PEAK1: variants seen among roughly 807,000 people sequenced by gnomAD.
PEAK1 encodes the protein pseudopodium enriched atypical kinase 1.
In PEAK1, 54 loss-of-function variants were observed where a neutral mutation model predicts 124.7. The ratio of observed to expected loss-of-function variants is 0.43; its 90% CI spans 0.35 to 0.54. The LOEUF (loss-of-function observed/expected upper bound fraction) is 0.54, where lower values mean the gene tolerates loss of function less well. PEAK1 is among the 20% of genes least tolerant of loss of function. PEAK1 has a pLI of 0.01. For synonymous variants in PEAK1, 719 were observed against 760.0 expected (o/e 0.95, Z 0.89); for missense variants, 2,046 against 2,134.5 (o/e 0.96, Z 0.82).
chr15:77,288,111 T>C (rs1307077836), intron 2 of PEAK1, among the ~76,000 whole-genome samples: 4 of 152,152 alleles, frequency 2.6e-5, no homozygotes, highest in South Asian at 4.1e-4. Context: ...TCAAGCACTA[T>C]ATCAAACCCT....
intron 6 of PEAK1, among the ~76,000 whole-genome samples, chr15:77,185,023 A>AGGC (rs1378754071): frequency 5.9e-5 from 9 of 152,264 alleles, no homozygotes; most frequent in African/African-American, 2.2e-4. Flanking sequence ...CAGGAGGCTT[A>AGGC]AAAGACTGAC....
intron 2 of PEAK1, chr15:77,350,115 G>A (rs1021247101): frequency 3.0e-6 from 3 of 985,292 alleles, no homozygotes; most frequent in Non-Finnish European, 3.6e-6. Context: ...ATAGGTCTCT[G>A]TTCAAAGCCA....
At position 77,210,384 on chromosome 15, in the gene PEAK1, T is replaced by C. The variant is rs573996070; in HGVS notation, c.-114-28344A>G. Reference sequence around the variant, plus strand: ...AGGGAAGAAGCAATATATATGTAATTCATTTGAAACCCAGCATTTTAAATC... The same window carrying C: ...AGGGAAGAAGCAATATATATGTAATCCATTTGAAACCCAGCATTTTAAATC... On this transcript the variant is annotated intron_variant, in intron 6 of 9. Coordinates refer to ENST00000682557, the MANE Select transcript of PEAK1 (RefSeq NM_001385026.1). 1.9e-3 allele frequency among the ~76,000 whole-genome samples: 290 copies of C among 152,312 alleles called. 4 individuals are homozygous for C. In the South Asian group the frequency reaches 0.02, roughly 10 times the overall value.
At chr15:77,402,024 C>T (rs2071408810) in intron 1 of PEAK1, 1 of 750,994 alleles carries the variant, frequency 1.3e-6, no homozygotes, top group African/African-American at 1.9e-5. Flanking sequence ...CATGGTGAAA[C>T]CCCAGCTCTA....
At chr15:77,246,780 G>A (rs1221730059) in intron 6 of PEAK1, among the ~76,000 whole-genome samples, 1 of 152,172 alleles carries the variant, frequency 6.6e-6, no homozygotes, top group Non-Finnish European at 1.5e-5. Context: ...AGCACTTTGG[G>A]AGGCCGAGGT....
At chr15:77,279,160 C>G (rs1157348336) in intron 5 of PEAK1, among the ~76,000 whole-genome samples, 1 of 151,450 alleles carries the variant, frequency 6.6e-6, no homozygotes, top group Non-Finnish European at 1.5e-5. Flanking sequence ...TGTTAGCACA[C>G]AGAACACTTA....
chr15:77,245,929 T>G (rs1434485244), intron 6 of PEAK1, among the ~76,000 whole-genome samples: 2 of 152,204 alleles, frequency 1.3e-5, no homozygotes, highest in African/African-American at 4.8e-5. Flanking sequence ...TATTCAGAAT[T>G]GTTTTTGGCT....
At position 77,365,181 on chromosome 15, in the gene PEAK1, C is replaced by T; in HGVS notation, c.-621G>A. ...ATCTCACCTTTGGTTTTTAGATAAA[C>T]CACAAAGAAATGTCTACAGCATAAG... On this transcript the variant is annotated 5_prime_UTR_variant, in exon 2 of 10. Coordinates refer to ENST00000682557, the MANE Select transcript of PEAK1 (RefSeq NM_001385026.1). The T allele has an allele frequency of 3.1e-6, 3 of 979,770 alleles. No individual in the cohort carries two copies. Among genetic ancestry groups the T allele is most frequent in the South Asian group, 4.7e-5 (1 of 21,174 alleles). The allele number at this position is 979,770 out of a possible 1,614,324, so 60.7% of individuals were successfully genotyped here.
intron 2 of PEAK1, among the ~76,000 whole-genome samples, chr15:77,359,875 T>A (rs1047474680): frequency 5.3e-5 from 8 of 152,206 alleles, no homozygotes; most frequent in African/African-American, 1.9e-4. Flanking sequence ...CTGCCTCAGA[T>A]TCAACACAAT....
intron 1 of PEAK1, among the ~76,000 whole-genome samples, chr15:77,408,599 G>C (rs1273736959): frequency 6.6e-6 from 1 of 150,804 alleles, no homozygotes; most frequent in East Asian, 1.9e-4. Flanking sequence ...ATGAAGTAGA[G>C]AACTGGCATT....
intron 6 of PEAK1, among the ~76,000 whole-genome samples, chr15:77,227,331 T>C (rs962022609): frequency 1.4e-4 from 21 of 151,816 alleles, no homozygotes; most frequent in African/African-American, 4.8e-4. Flanking sequence ...GGGGGTGGAG[T>C]AGTATAAGTA....
chr15:77,303,824 T>C (rs1372997783), intron 2 of PEAK1, among the ~76,000 whole-genome samples: 3 of 152,228 alleles, frequency 2.0e-5, no homozygotes, highest in African/African-American at 7.2e-5. Context: ...CCCAGTATCA[T>C]ATATGTTTTC....
At chr15:77,258,085 A>G (rs561834972) in intron 5 of PEAK1, among the ~76,000 whole-genome samples, 15 of 152,266 alleles carry the variant, frequency 9.9e-5, no homozygotes, top group Admixed American at 8.5e-4. Flanking sequence ...CCATTGATCT[A>G]TATCTCTATT....
Position 77,250,181 on chromosome 15 carries a change from G to GTA in PEAK1, c.-115+2184_-115+2185dup, listed in dbSNP as rs554757253. On this transcript the variant is annotated intron_variant, in intron 6 of 9. Coordinates refer to ENST00000682557, the MANE Select transcript of PEAK1 (RefSeq NM_001385026.1). The stretch of plus-strand genomic sequence containing the variant: ...CATATATATACATATATATGTATAT[G>GTA]TATATATATACATATATATACATAT... 8.1e-3 allele frequency among the ~76,000 whole-genome samples: 860 copies of GTA among 105,528 alleles called. 12 individuals carry two copies. Among genetic ancestry groups the GTA allele is most frequent in the African/African-American group, 0.025 (803 of 32,296 alleles). 69.2% of individuals were successfully genotyped at this position (105,528 alleles called of 152,430 possible). A position where few individuals can be genotyped will look rare whatever the true frequency, so the allele number is the denominator to read the frequency against.
intron 1 of PEAK1, among the ~76,000 whole-genome samples, chr15:77,413,303 G>C (rs1436349161): frequency 6.6e-6 from 1 of 152,126 alleles, no homozygotes; most frequent in Non-Finnish European, 1.5e-5. Flanking sequence ...CTTTAAGTGT[G>C]GGCTACACTT....
At chr15:77,218,222 T>C (rs1367259594) in intron 6 of PEAK1, among the ~76,000 whole-genome samples, 4 of 152,208 alleles carry the variant, frequency 2.6e-5, no homozygotes, top group Non-Finnish European at 5.9e-5. Flanking sequence ...TCATCAAAGA[T>C]GAATATAATG....
At chr15:77,385,324 T>C (rs1043420404) in intron 1 of PEAK1, among the ~76,000 whole-genome samples, 7 of 152,208 alleles carry the variant, frequency 4.6e-5, no homozygotes, top group African/African-American at 1.7e-4. Context: ...CTTTAAAGTT[T>C]TGCAAATAGA....
chr15:77,351,899 TA>T, intron 2 of PEAK1: 1 of 985,416 alleles, frequency 1.0e-6, no homozygotes, highest in Non-Finnish European at 1.2e-6. Context: ...AGTCTAAAGG[TA>T]ATGAAGTCTG....
chr15:77,403,843 G>A (rs1029609428), intron 1 of PEAK1: 1 of 984,450 alleles, frequency 1.0e-6, no homozygotes, highest in South Asian at 4.7e-5. Context: ...TAACCTTTAT[G>A]CCCATGCCAC....
Sources: gnomAD v4.1 joint callset for allele counts (sites outside exome capture counted in the v4.1 genomes callset) on GRCh38, gnomAD v4.1.1 for gene constraint, MANE v1.5 for transcripts, NCBI Gene and HGNC (gene_info 2026-07-23, HGNC 2026-07-21) for gene names.